Variants in POLD1 observed in about 807,000 individuals in gnomAD.
POLD1 encodes DNA polymerase delta 1, catalytic subunit.
Under a neutral mutation model 129.7 loss-of-function variants are expected in POLD1, and 79 were observed. That is an observed-to-expected ratio of 0.61 (90% CI 0.51 to 0.73). POLD1 has a LOEUF of 0.73. Ranked by LOEUF, POLD1 falls within the 30% of genes least tolerant of loss-of-function variation. The probability of loss-of-function intolerance (pLI) is 0.00; values close to 1 mark genes in which losing one functional copy is unlikely to be tolerated. For missense variants in POLD1, 1,338 were observed against 1,595.8 expected (o/e 0.84, Z 2.75); for synonymous variants, 714 against 683.3 (o/e 1.04, Z -0.70).
rs368738479 is a variant in POLD1 at position 50,407,169 on chromosome 19, C to A, written c.1681C>A (p.Arg561=). Residue 561 remains arginine, a synonymous_variant, in exon 13 of 27, where the codon CGG becomes AGG. Coordinates refer to ENST00000440232, the MANE Select transcript of POLD1 (RefSeq NM_002691.4). The part of the protein sequence containing the change: ...QQVKVVSQLL[R]QAMHEGLLMP... ...GGTCAAGGTCGTATCCCAGCTGTTG[C>A]GGCAGGTCAGTAGCCGAGACTTGTC... 3 of 1,601,548 alleles carry A rather than the reference C, an allele frequency of 1.9e-6. No homozygotes were observed. The highest frequency in any genetic ancestry group is 2.7e-5 in the African/African-American group (2 of 74,692).
In POLD1 at chr19:50,417,037, C is replaced by T. The variant is rs774835713; in HGVS notation, c.3068-8C>T. The T allele has an allele frequency of 1.3e-6, 2 of 1,549,616 alleles. No individual in the cohort carries two copies. Among genetic ancestry groups the T allele is most frequent in the South Asian group, 1.2e-5 (1 of 83,978 alleles). On this transcript the variant is annotated splice_polypyrimidine_tract_variant and splice_region_variant and intron_variant, in intron 24 of 26. Coordinates refer to ENST00000440232, the MANE Select transcript of POLD1 (RefSeq NM_002691.4). ...CCCCAGCACTTGGGCTGACCCGCCT[C>T]CCCACAGGAGCCGTGTGTGAGTTCT...
intron 20 of POLD1, 100 bp from the exon 21 acceptor site, chr19:50,415,338 C>T (rs2039239129): frequency 3.2e-6 from 4 of 1,233,746 alleles, no homozygotes; most frequent in Non-Finnish European, 4.6e-6. Context: ...TGAGCCTCAG[C>T]CCTAAGAGCT....
At chr19:50,400,985 C>G (rs916737612) in intron 3 of POLD1, among the ~76,000 whole-genome samples, 1 of 151,744 alleles carries the variant, frequency 6.6e-6, no homozygotes. Flanking sequence ...CTTGAGCCAC[C>G]GCGCCCGGCC....
chr19:50,395,920 C>T (rs79914151), intron 1 of POLD1, among the ~76,000 whole-genome samples: 3 of 99,732 alleles, frequency 3.0e-5, no homozygotes, highest in African/African-American at 7.6e-5. Context: ...GTATTGCCAT[C>T]TTGTCCAGTC....
At chr19:50,398,187 T>C (rs2038440919) in intron 1 of POLD1, among the ~76,000 whole-genome samples, 1 of 152,088 alleles carries the variant, frequency 6.6e-6, no homozygotes, top group East Asian at 1.9e-4. Context: ...GCAAAAGTAA[T>C]TGCAGTTTTT....
At position 50,399,353 on chromosome 19, in the gene POLD1, C is replaced by T. The variant is rs748458174; in HGVS notation, c.203-18C>T. 5 of 1,592,052 alleles carry T rather than the reference C, an allele frequency of 3.1e-6. No individual in the cohort carries two copies. Among genetic ancestry groups the T allele is most frequent in the Non-Finnish European group, 4.3e-6 (5 of 1,160,308 alleles). ...ACCATGACTCCATGTACTCCACTTC[C>T]TTCCCTTCCCCCACCAGGGCAGGTC... On this transcript the variant is annotated intron_variant, in intron 2 of 26. Coordinates refer to ENST00000440232, the MANE Select transcript of POLD1 (RefSeq NM_002691.4).
Position 50,417,964 on chromosome 19 carries a change from TGGGGCG to T in POLD1, c.*26_*31del. On this transcript the variant is annotated 3_prime_UTR_variant, in exon 27 of 27. Transcript: ENST00000440232. ...GCCTGGTGACCTTGCAAGCATCCCA[TGGGGCG>T]GGGGCGGGACCAGGGAGAATTAATA... 2 of 1,337,662 alleles carry T rather than the reference TGGGGCG, an allele frequency of 1.5e-6. No homozygotes were observed. The highest frequency in any genetic ancestry group is 2.1e-6 in the Non-Finnish European group (2 of 935,476). The allele number at this position is 1,337,662 out of a possible 1,614,324, so 82.9% of individuals were successfully genotyped here. A position where few individuals can be genotyped will look rare whatever the true frequency, so the allele number is the denominator to read the frequency against.
At chr19:50,401,745 G>C (rs948509545) in intron 3 of POLD1, 33 bp from the exon 4 acceptor site, 7 of 1,608,298 alleles carry the variant, frequency 4.4e-6, no homozygotes, top group Admixed American at 1.7e-5. Flanking sequence ...ACCCTGAGAG[G>C]CATGGCCGCT....
chr19:50,395,578 C>T (rs1360174817), intron 1 of POLD1, among the ~76,000 whole-genome samples: 2 of 145,450 alleles, frequency 1.4e-5, no homozygotes, highest in African/African-American at 5.4e-5. Context: ...AGCGAGACTC[C>T]GTCTCCAAAA....
At chr19:50,415,681 C>CCCCCCCCA in intron 21 of POLD1, 43 bp from the exon 22 acceptor site, 2 of 1,462,388 alleles carry the variant, frequency 1.4e-6, no homozygotes, top group Non-Finnish European at 1.9e-6. Flanking sequence ...CCACCCCCGC[C>CCCCCCCCA]ACCCACCTGC....
rs375760352 is a variant in POLD1 at position 50,398,822 on chromosome 19, C to A, written c.-1-29C>A. On this transcript the variant is annotated intron_variant, in intron 1 of 26. Transcript: ENST00000440232. ...GGGTAAGAGGTGTCTCCGGTCAGAA[C>A]CTCCACCAAGCTCCAACTTGCCCAG... 6.2e-7 allele frequency: 1 copy of A among 1,601,868 alleles called. No individual in the cohort carries two copies. Among genetic ancestry groups the A allele is most frequent in the Non-Finnish European group, 8.5e-7 (1 of 1,176,308 alleles).
chr19:50,401,796 C>T lies in POLD1; in HGVS notation c.335C>T (p.Pro112Leu), dbSNP rs2038643198. The T allele has an allele frequency of 6.2e-7, 1 of 1,612,990 alleles. No homozygotes were observed. The highest frequency in any genetic ancestry group is 8.5e-7 in the Non-Finnish European group (1 of 1,179,848). Reference protein sequence around the residue: ...DHYVGPAQPVPGGPPPSRGSV... With the variant: ...DHYVGPAQPVLGGPPPSRGSV... ...CCCACAGGCCCAGCGCAGCCTGTGC[C>T]TGGGGGGCCCCCACCATCCCGCGGC... The change falls in exon 4 of 27, where the codon CCT (proline) becomes CTT (leucine). Residue 112 changes from proline (P) to leucine (L), a missense_variant. Pro to Leu is a moderately conservative substitution (Grantham distance 98, BLOSUM62 -3). This residue lies in a region of POLD1 where 332 missense variants were observed against 315.7 expected (regional missense o/e 1.05). Coordinates refer to ENST00000440232, the MANE Select transcript of POLD1 (RefSeq NM_002691.4).
intron 3 of POLD1, among the ~76,000 whole-genome samples, chr19:50,401,537 G>C (rs1012955662): frequency 6.6e-6 from 1 of 151,066 alleles, no homozygotes; most frequent in Non-Finnish European, 1.5e-5. Flanking sequence ...CACTGTGCAC[G>C]GCCAGTTGTT....
At chr19:50,411,314 G>A (rs1399249350) in intron 17 of POLD1, among the ~76,000 whole-genome samples, 1 of 152,136 alleles carries the variant, frequency 6.6e-6, no homozygotes, top group Non-Finnish European at 1.5e-5. Flanking sequence ...TGCCTCCCCA[G>A]CCTCCTTGGT....
chr19:50,405,949 A>G (rs973437570), intron 10 of POLD1, among the ~76,000 whole-genome samples: 3 of 151,884 alleles, frequency 2.0e-5, no homozygotes. Flanking sequence ...CCAGTCCATC[A>G]GGGCCCCTGA....
At position 50,407,404 on chromosome 19, in the gene POLD1, G is replaced by A. The variant is rs1241224021; in HGVS notation, c.1764G>A (p.Glu588=). Residue 588 remains glutamate (E), a synonymous_variant, in exon 14 of 27, where the codon GAG becomes GAA. Transcript: ENST00000440232. ...ACTACACGGGAGCCACTGTCATCGA[G>A]CCCCTCAAAGGGTGAGGCCCCAGGC... is the stretch of plus-strand genomic sequence containing the variant. The part of the protein sequence containing the change: ...GEDYTGATVI[E]PLKGYYDVPI... 1.2e-6 allele frequency: 2 copies of A among 1,606,828 alleles called. No homozygotes were observed. Among genetic ancestry groups the A allele is most frequent in the Non-Finnish European group, 1.7e-6 (2 of 1,175,764 alleles).
chr19:50,403,366 G>T (rs2038740409), intron 9 of POLD1, 127 bp from the exon 10 acceptor site: 3 of 1,112,940 alleles, frequency 2.7e-6, no homozygotes, highest in Non-Finnish European at 4.0e-6. Context: ...GTGCAATTAG[G>T]CTTGAGCACT....
chr19:50,395,626 T>C (rs1321836935), intron 1 of POLD1, among the ~76,000 whole-genome samples: 2 of 152,100 alleles, frequency 1.3e-5, no homozygotes, highest in African/African-American at 2.4e-5. Context: ...TGCACGCCCT[T>C]TGCCCAGATC....
In POLD1 at chr19:50,415,414, G is replaced by A. The variant is rs373040718; in HGVS notation, c.2565-24G>A. 72 of 1,598,986 alleles carry A rather than the reference G, an allele frequency of 4.5e-5. No homozygotes were observed. Among genetic ancestry groups the A allele is most frequent in the Middle Eastern group, 4.0e-4 (2 of 5,016 alleles). Reference sequence around the variant, plus strand: ...CTGGCCCTCAGTGCCTTTTGGTGACGCTGTGCGGCCCGCTCTCCTACAGAG... The same window carrying A: ...CTGGCCCTCAGTGCCTTTTGGTGACACTGTGCGGCCCGCTCTCCTACAGAG... On this transcript the variant is annotated intron_variant, in intron 20 of 26. Coordinates refer to ENST00000440232, the MANE Select transcript of POLD1 (RefSeq NM_002691.4).
Sources: gnomAD v4.1 joint callset for allele counts (sites outside exome capture counted in the v4.1 genomes callset) on GRCh38, gnomAD v4.1.1 for gene constraint, gnomAD v4.1.1 regional missense constraint, MANE v1.5 for transcripts, NCBI Gene and HGNC (gene_info 2026-07-23, HGNC 2026-07-21) for gene names.